Variants in KCTD16 observed in about 807,000 individuals in gnomAD.
The protein encoded by KCTD16 is BTB/POZ domain-containing protein KCTD16.
KCTD16 carries 13 observed loss-of-function variants against 33.2 expected under a neutral mutation model. The ratio of observed to expected loss-of-function variants is 0.39; its 90% CI spans 0.25 to 0.62. The LOEUF (loss-of-function observed/expected upper bound fraction) is 0.62. Among genes scored for constraint, KCTD16 ranks in the 20% least tolerant of loss-of-function variants. KCTD16 has a pLI of 0.50. For synonymous variants in KCTD16, 197 were observed against 195.3 expected (o/e 1.01, Z -0.07); for missense variants, 441 against 525.1 (o/e 0.84, Z 1.57).
intron 3 of KCTD16, among the ~76,000 whole-genome samples, chr5:144,470,903 G>A (rs1754453522): frequency 6.6e-6 from 1 of 152,176 alleles, no homozygotes; most frequent in Admixed American, 6.5e-5. Context: ...TTGGAAGACT[G>A]AGTGCAGTGG....
At chr5:144,179,118 G>A (rs1675597388) in intron 2 of KCTD16, among the ~76,000 whole-genome samples, 1 of 152,142 alleles carries the variant, frequency 6.6e-6, no homozygotes, top group African/African-American at 2.4e-5. Flanking sequence ...GAGAAGTGAA[G>A]GTATGTATTG....
chr5:144,444,553 C>A (rs552159311), intron 3 of KCTD16, among the ~76,000 whole-genome samples: 1 of 151,902 alleles, frequency 6.6e-6, no homozygotes, highest in East Asian at 1.9e-4. Flanking sequence ...TTAAAAGATG[C>A]CCTCACATTT....
At chr5:144,195,307 T>A (rs1403048126) in intron 2 of KCTD16, among the ~76,000 whole-genome samples, 1 of 152,236 alleles carries the variant, frequency 6.6e-6, no homozygotes, top group Non-Finnish European at 1.5e-5. Flanking sequence ...AAGGCTTATG[T>A]TGTCCTTCAA....
At chr5:144,341,193 G>A (rs182582766) in intron 3 of KCTD16, among the ~76,000 whole-genome samples, 9 of 152,176 alleles carry the variant, frequency 5.9e-5, no homozygotes, top group Admixed American at 2.0e-4. Flanking sequence ...ACAGCAGCCC[G>A]AGCTGCCTAA....
chr5:144,448,981 C>T (rs973553843), intron 3 of KCTD16, among the ~76,000 whole-genome samples: 1 of 151,966 alleles, frequency 6.6e-6, no homozygotes, highest in Non-Finnish European at 1.5e-5. Flanking sequence ...CATATAAAGT[C>T]TGGGAGCATT....
At chr5:144,344,722 T>A (rs1752739065) in intron 3 of KCTD16, among the ~76,000 whole-genome samples, 1 of 150,332 alleles carries the variant, frequency 6.7e-6, no homozygotes, top group Non-Finnish European at 1.5e-5. Context: ...CTGGAGAGGA[T>A]GTGGAGAAAT....
At chr5:144,300,458 G>A (rs1046096300) in intron 3 of KCTD16, among the ~76,000 whole-genome samples, 2 of 152,144 alleles carry the variant, frequency 1.3e-5, no homozygotes, top group African/African-American at 4.8e-5. Flanking sequence ...ATTGTCTCAT[G>A]CTATTTCACT....
chr5:144,278,593 A>G (rs1018567333), intron 3 of KCTD16, among the ~76,000 whole-genome samples: 2 of 144,260 alleles, frequency 1.4e-5, no homozygotes, highest in Non-Finnish European at 3.0e-5. Flanking sequence ...CGCTTCCCGG[A>G]TTCACGCCAT....
intron 2 of KCTD16, among the ~76,000 whole-genome samples, chr5:144,189,737 G>T (rs1011800079): frequency 6.6e-6 from 1 of 152,050 alleles, no homozygotes; most frequent in Admixed American, 6.5e-5. Context: ...TTTTCAGGTG[G>T]TTTGCCAGCA....
chr5:144,211,577 A>G (rs1211621498), intron 3 of KCTD16, among the ~76,000 whole-genome samples: 2 of 152,202 alleles, frequency 1.3e-5, no homozygotes, highest in East Asian at 1.9e-4. Context: ...AATGAATTGC[A>G]TGTTCAAACT....
intron 2 of KCTD16, among the ~76,000 whole-genome samples, chr5:144,204,073 T>G (rs191759063): frequency 2.0e-5 from 3 of 152,344 alleles, no homozygotes; most frequent in African/African-American, 7.2e-5. Context: ...TAGCTAACGC[T>G]CTGAATATGT....
chr5:144,235,972 C>T (rs370577032), intron 3 of KCTD16, among the ~76,000 whole-genome samples: 15 of 151,956 alleles, frequency 9.9e-5, no homozygotes, highest in Admixed American at 5.9e-4. Context: ...AGTGTTTATA[C>T]GTAAGGGTCA....
intron 3 of KCTD16, among the ~76,000 whole-genome samples, chr5:144,344,147 G>A (rs1408823405): frequency 6.6e-6 from 1 of 152,100 alleles, no homozygotes; most frequent in Non-Finnish European, 1.5e-5. Context: ...GGGAAAACTG[G>A]CTAGCCGTAT....
chr5:144,373,750 A>G (rs1752021267), intron 3 of KCTD16, among the ~76,000 whole-genome samples: 2 of 152,252 alleles, frequency 1.3e-5, no homozygotes, highest in South Asian at 4.1e-4. Context: ...TGGCATAGGC[A>G]TTTACAAATG....
At chr5:144,452,476 G>T (rs1753966354) in intron 3 of KCTD16, among the ~76,000 whole-genome samples, 1 of 151,908 alleles carries the variant, frequency 6.6e-6, no homozygotes, top group Non-Finnish European at 1.5e-5. Context: ...GAGAGAAGTG[G>T]ATTGGGGGGA....
chr5:144,360,814 G>T (rs1284828064), intron 3 of KCTD16, among the ~76,000 whole-genome samples: 1 of 151,748 alleles, frequency 6.6e-6, no homozygotes, highest in East Asian at 1.9e-4. Context: ...ATGGGCATTT[G>T]GGTTGGTTCC....
chr5:144,375,032 G>A (rs1752053283), intron 3 of KCTD16, among the ~76,000 whole-genome samples: 1 of 152,180 alleles, frequency 6.6e-6, no homozygotes, highest in East Asian at 1.9e-4. Context: ...GGTCAGTTGT[G>A]TGGCTAACTC....
intron 3 of KCTD16, among the ~76,000 whole-genome samples, chr5:144,351,564 AG>A (rs1482315630): frequency 6.6e-6 from 1 of 152,190 alleles, no homozygotes; most frequent in Non-Finnish European, 1.5e-5. Context: ...ATATATCCAA[AG>A]GACGTGAAAT....
chr5:144,451,869 A>G (rs1003537101), intron 3 of KCTD16, among the ~76,000 whole-genome samples: 1 of 152,084 alleles, frequency 6.6e-6, no homozygotes, highest in Non-Finnish European at 1.5e-5. Context: ...TGAGTATCCT[A>G]ATTCATTAAC....
Sources: gnomAD v4.1 joint callset for allele counts (sites outside exome capture counted in the v4.1 genomes callset) on GRCh38, gnomAD v4.1.1 for gene constraint, MANE v1.5 for transcripts, NCBI Gene and HGNC (gene_info 2026-07-23, HGNC 2026-07-21) for gene names.